Variants in NBEA observed in about 807,000 individuals in gnomAD.
NBEA encodes the protein neurobeachin.
Under a neutral mutation model 343.4 loss-of-function variants are expected in NBEA, and 44 were observed. The observed-to-expected ratio is 0.13, with a 90% CI of 0.10 to 0.16. The LOEUF (loss-of-function observed/expected upper bound fraction) is 0.16. NBEA is among the 10% of genes least tolerant of loss of function. The pLI, the probability that NBEA is intolerant of heterozygous loss-of-function variation, is 1.00. For missense variants in NBEA, 2,555 were observed against 3,631.3 expected (o/e 0.70, Z 7.62); for synonymous variants, 1,175 against 1,238.7 (o/e 0.95, Z 1.08).
intron 46 of NBEA, among the ~76,000 whole-genome samples, chr13:35,589,650 G>C (rs1431103354): frequency 6.6e-6 from 1 of 152,118 alleles, no homozygotes; most frequent in Non-Finnish European, 1.5e-5. Flanking sequence ...GAAGAATGAA[G>C]AAGTTGAGTA....
rs9530411 is a variant in NBEA, at chr13:35,284,016, C to A, written c.5777-6373C>A. Among the ~76,000 whole-genome samples, 224 of 80,722 alleles carry A rather than the reference C, an allele frequency of 2.8e-3. 1 individual carries two copies. The highest frequency in any genetic ancestry group is 0.012 in the Middle Eastern group (2 of 168). The allele number at this position is 80,722 out of a possible 152,430, so 53.0% of individuals were successfully genotyped here. On this transcript the variant is annotated intron_variant, in intron 34 of 58. Coordinates refer to ENST00000379939, the MANE Select transcript of NBEA (RefSeq NM_001385012.1). Reference sequence around the variant, plus strand: ...CACACACACACACACACACACACACCACACAGATGCATGTACACACACATC... The same window carrying A: ...CACACACACACACACACACACACACAACACAGATGCATGTACACACACATC...
intron 40 of NBEA, among the ~76,000 whole-genome samples, chr13:35,456,310 T>C (rs1220443233): frequency 6.6e-6 from 1 of 152,062 alleles, no homozygotes; most frequent in Non-Finnish European, 1.5e-5. Flanking sequence ...GTTAAATGTG[T>C]GTGACTACTA....
At chr13:35,410,628 T>C (rs1012959061) in intron 38 of NBEA, among the ~76,000 whole-genome samples, 1 of 152,166 alleles carries the variant, frequency 6.6e-6, no homozygotes, top group Non-Finnish European at 1.5e-5. Context: ...CAGGACACTT[T>C]TGTAAGTGAT....
chr13:35,274,537 T>G (rs773217440), intron 34 of NBEA, among the ~76,000 whole-genome samples: 22 of 152,244 alleles, frequency 1.4e-4, no homozygotes, highest in Middle Eastern at 3.4e-3. Context: ...GAGAAAGAAA[T>G]AAAGCATATT....
chr13:35,560,840 T>C (rs2079826268), intron 44 of NBEA, among the ~76,000 whole-genome samples: 1 of 152,180 alleles, frequency 6.6e-6, no homozygotes, highest in South Asian at 2.1e-4. Flanking sequence ...CCACCAGCCA[T>C]GAACACCACC....
chr13:35,177,041 C>A lies in NBEA; in HGVS notation c.4600C>A (p.Pro1534Thr), dbSNP rs190118929. ...VPGNLSPIKD[P>T]DRLLQDVDIN... The stretch of plus-strand genomic sequence containing the variant: ...AGGTAACCTTTCTCCTATTAAGGAT[C>A]CGGATAGACTTCTTCAGGATGTTGA... The change falls in exon 28 of 59, where the codon CCG (proline) becomes ACG (threonine). Residue 1534 changes from proline to threonine, a missense_variant. Transcript: ENST00000379939. 2.2e-4 allele frequency: 350 copies of A among 1,605,670 alleles called. 3 individuals carry two copies. The East Asian group carries it at 7.6e-3, about 35-fold the overall frequency.
intron 44 of NBEA, among the ~76,000 whole-genome samples, chr13:35,566,192 C>A (rs1310592793): frequency 6.6e-6 from 1 of 152,096 alleles, no homozygotes; most frequent in Non-Finnish European, 1.5e-5. Flanking sequence ...GAAACCCCAT[C>A]TCTACCAAAA....
intron 35 of NBEA, among the ~76,000 whole-genome samples, chr13:35,295,224 A>G (rs1418316033): frequency 6.6e-6 from 1 of 150,780 alleles, no homozygotes; most frequent in East Asian, 1.9e-4. Flanking sequence ...CTTCCTCAAG[A>G]GTATTTTTAA....
intron 35 of NBEA, among the ~76,000 whole-genome samples, chr13:35,299,534 A>C (rs1196502475): frequency 6.6e-6 from 1 of 152,212 alleles, no homozygotes; most frequent in Non-Finnish European, 1.5e-5. Context: ...CATGAGATCC[A>C]GTTCCCTGAA....
chr13:35,452,707 T>C (rs924573604), intron 40 of NBEA, among the ~76,000 whole-genome samples: 5 of 152,214 alleles, frequency 3.3e-5, no homozygotes, highest in African/African-American at 1.2e-4. Flanking sequence ...GCTAAGCCAC[T>C]AGCAGATATT....
At chr13:35,253,431 T>C (rs1280879498) in intron 34 of NBEA, among the ~76,000 whole-genome samples, 5 of 152,228 alleles carry the variant, frequency 3.3e-5, no homozygotes, top group Admixed American at 1.3e-4. Context: ...TAGTAGATTA[T>C]AGTATAGTGT....
At chr13:35,320,552 T>C (rs767212627) in intron 36 of NBEA, among the ~76,000 whole-genome samples, 2 of 152,316 alleles carry the variant, frequency 1.3e-5, no homozygotes, top group Middle Eastern at 3.4e-3. Flanking sequence ...TCAACCTTGG[T>C]GAATCTGAAG....
chr13:35,640,180 CA>C (rs2083877988), intron 49 of NBEA, among the ~76,000 whole-genome samples: 1 of 152,122 alleles, frequency 6.6e-6, no homozygotes, highest in African/African-American at 2.4e-5. Flanking sequence ...CACATAAGCA[CA>C]CATTATATTT....
Position 34,942,843 on chromosome 13 carries a change from C to A in NBEA, c.23C>A (p.Pro8Gln). The change falls in exon 1 of 59, where the codon CCG becomes CAG. Residue 8 changes from proline (P) to glutamine (Q), a missense_variant. Pro to Gln is a moderately conservative substitution (Grantham distance 76). Around this residue, in one of 21 missense-constraint regions of NBEA, gnomAD observed 122 missense variants for 91.0 expected, o/e 1.34. Coordinates refer to ENST00000379939, the MANE Select transcript of NBEA (RefSeq NM_001385012.1). Reference protein sequence around the residue: MASEKPGPGPGLEPQPVG... With the variant: MASEKPGQGPGLEPQPVG... The stretch of plus-strand genomic sequence containing the variant: ...CCAATGGCTAGCGAGAAGCCGGGCC[C>A]GGGCCCGGGGCTCGAGCCTCAGCCC... 2 of 1,366,488 alleles carry A rather than the reference C, an allele frequency of 1.5e-6. No homozygotes were observed. The highest frequency in any genetic ancestry group is 1.9e-6 in the Non-Finnish European group (2 of 1,057,122). 84.6% of individuals were successfully genotyped at this position (1,366,488 alleles called of 1,614,324 possible). A position where few individuals can be genotyped will look rare whatever the true frequency, so the allele number is the denominator to read the frequency against.
intron 1 of NBEA, among the ~76,000 whole-genome samples, chr13:35,034,392 A>T (rs1045873776): frequency 6.6e-6 from 1 of 151,812 alleles, no homozygotes. Flanking sequence ...TTTCTAATGT[A>T]TTGTTGAATT....
At chr13:35,158,203 T>A (rs1300390689) in intron 21 of NBEA, among the ~76,000 whole-genome samples, 1 of 152,078 alleles carries the variant, frequency 6.6e-6, no homozygotes. Flanking sequence ...TTAAGGGGAT[T>A]TTTGTATTAT....
chr13:35,219,682 G>A (rs1002347468), intron 33 of NBEA, among the ~76,000 whole-genome samples: 5 of 152,010 alleles, frequency 3.3e-5, no homozygotes, highest in African/African-American at 4.8e-5. Flanking sequence ...TACCAAGGTC[G>A]GAGAACCAAG....
rs535365418 is a variant in NBEA, at chr13:35,395,867, C to G, written c.6180-36402C>G. 1.1e-4 allele frequency among the ~76,000 whole-genome samples: 16 copies of G among 152,238 alleles called. No individual in the cohort carries two copies. In the East Asian group the frequency reaches 3.1e-3, roughly 29 times the overall value. ...ATTATGTTTCTTCAATAATTGAACT[C>G]TTTCTCATTATTAAATATCCCTCCT... On this transcript the variant is annotated intron_variant, in intron 38 of 58. Transcript: ENST00000379939.
chr13:35,223,698 AT>A, intron 33 of NBEA, among the ~76,000 whole-genome samples: 1 of 152,186 alleles, frequency 6.6e-6, no homozygotes, highest in East Asian at 1.9e-4. Context: ...TTCTCACTCA[AT>A]ATCTCTTAAC....
Sources: gnomAD v4.1 joint callset for allele counts (sites outside exome capture counted in the v4.1 genomes callset) on GRCh38, gnomAD v4.1.1 for gene constraint, gnomAD v4.1.1 regional missense constraint, MANE v1.5 for transcripts, NCBI Gene and HGNC (gene_info 2026-07-23, HGNC 2026-07-21) for gene names.